Variants in SCML4 observed in about 807,000 individuals in gnomAD.
The protein encoded by SCML4 is sex comb on midleg-like protein 4.
SCML4 carries 34 observed loss-of-function variants against 41.1 expected under a neutral mutation model. The observed-to-expected ratio is 0.83, with a 90% CI of 0.63 to 1.10. SCML4 has a LOEUF of 1.10. SCML4 is among the 50% of genes least tolerant of loss of function. SCML4 has a pLI of 0.00. For synonymous variants in SCML4, 214 were observed against 220.9 expected (o/e 0.97, Z 0.28); for missense variants, 522 against 534.1 (o/e 0.98, Z 0.22).
At chr6:107,716,934 A>C (rs758082226) in intron 6 of SCML4, among the ~76,000 whole-genome samples, 1 of 151,942 alleles carries the variant, frequency 6.6e-6, no homozygotes, top group African/African-American at 2.4e-5. Context: ...CACTGCTGAG[A>C]ATGTGCATGG....
chr6:107,752,191 G>A lies in SCML4; in HGVS notation c.157-2378C>T, dbSNP rs1481731480. ...CATTGACACCAGGAGGGCTCTAGGTGGAGTAGTTTTTTTGTTGTTGTTGTT... is the reference window on the plus strand; with the variant it reads ...CATTGACACCAGGAGGGCTCTAGGTAGAGTAGTTTTTTTGTTGTTGTTGTT... On this transcript the variant is annotated intron_variant, in intron 2 of 7. Transcript: ENST00000369020. Among the ~76,000 whole-genome samples, 3 of 152,122 alleles carry A rather than the reference G, an allele frequency of 2.0e-5. No homozygotes were observed. The East Asian group carries it at 5.8e-4, about 29-fold the overall frequency.
chr6:107,767,099 T>G (rs943158275), intron 2 of SCML4, among the ~76,000 whole-genome samples: 2 of 151,942 alleles, frequency 1.3e-5, no homozygotes, highest in Admixed American at 6.6e-5. Context: ...CTGGGATTAC[T>G]GACACGCGCC....
intron 5 of SCML4, among the ~76,000 whole-genome samples, chr6:107,730,045 G>T (rs1398888372): frequency 6.6e-6 from 1 of 151,866 alleles, no homozygotes; most frequent in African/African-American, 2.4e-5. Flanking sequence ...CAACATGTTA[G>T]GTCACCTCAA....
chr6:107,756,521 G>A (rs1779126350), intron 2 of SCML4, among the ~76,000 whole-genome samples: 1 of 152,124 alleles, frequency 6.6e-6, no homozygotes, highest in East Asian at 1.9e-4. Flanking sequence ...AAGGAAACAT[G>A]ACAACTAAAT....
chr6:107,800,999 T>A (rs1179126684), intron 1 of SCML4, among the ~76,000 whole-genome samples: 1 of 152,214 alleles, frequency 6.6e-6, no homozygotes, highest in Non-Finnish European at 1.5e-5. Context: ...CTCTTCCAAG[T>A]TTCTGCGTTC....
At chr6:107,841,432 T>A in the SCML4 span, among the ~76,000 whole-genome samples, 2 of 152,240 alleles carry the variant, frequency 1.3e-5, no homozygotes, top group East Asian at 1.9e-4. Context: ...CCAGACACTG[T>A]GCCAGCACGG....
chr6:107,777,407 C>T (rs958797416), intron 1 of SCML4, among the ~76,000 whole-genome samples: 7 of 152,010 alleles, frequency 4.6e-5, no homozygotes, highest in African/African-American at 1.2e-4. Flanking sequence ...TGAGCTGCCA[C>T]GCCCAGCCAC....
chr6:107,702,333 GA>G lies in SCML4; in HGVS notation c.*2866del, dbSNP rs1405999701. 1.3e-5 allele frequency among the ~76,000 whole-genome samples: 2 copies of G among 152,308 alleles called. No individual in the cohort carries two copies. Among genetic ancestry groups the G allele is most frequent in the East Asian group, 3.9e-4 (2 of 5,184 alleles). The stretch of plus-strand genomic sequence containing the variant: ...CAGTTTTCTCCAAGACTTGAAATGA[GA>G]ACATATCTCTCGCCTGAAAACTACT... On this transcript the variant is annotated 3_prime_UTR_variant, in exon 8 of 8. Coordinates refer to ENST00000369020, the MANE Select transcript of SCML4 (RefSeq NM_198081.5).
At chr6:107,839,569 A>T in the SCML4 span, among the ~76,000 whole-genome samples, 1 of 152,154 alleles carries the variant, frequency 6.6e-6, no homozygotes, top group East Asian at 1.9e-4. Context: ...TTATAGAATG[A>T]TTTGCCTTTT....
At chr6:107,734,750 C>T (rs1776892533) in intron 5 of SCML4, among the ~76,000 whole-genome samples, 1 of 152,126 alleles carries the variant, frequency 6.6e-6, no homozygotes, top group South Asian at 2.1e-4. Context: ...GAGAACACTC[C>T]CTATTCCATG....
chr6:107,763,165 A>T (rs1275432833), intron 2 of SCML4, among the ~76,000 whole-genome samples: 1 of 151,962 alleles, frequency 6.6e-6, no homozygotes. Flanking sequence ...TACAAGCATG[A>T]GCCACAATGC....
chr6:107,723,020 C>G (rs776091804), intron 5 of SCML4, among the ~76,000 whole-genome samples: 4 of 151,698 alleles, frequency 2.6e-5, no homozygotes, highest in Non-Finnish European at 5.9e-5. Context: ...AAATTGCAAG[C>G]CTTTAGCTAC....
chr6:107,831,492 A>G, the SCML4 span, among the ~76,000 whole-genome samples: 1 of 151,978 alleles, frequency 6.6e-6, no homozygotes, highest in South Asian at 2.1e-4. Flanking sequence ...AGGACAGCCA[A>G]CTTCAGTGTG....
At chr6:107,766,382 A>G (rs1583530143) in intron 2 of SCML4, among the ~76,000 whole-genome samples, 1 of 152,030 alleles carries the variant, frequency 6.6e-6, no homozygotes, top group South Asian at 2.1e-4. Flanking sequence ...AAAAAAAAAA[A>G]AAAAGGGTTC....
chr6:107,826,086 A>T (rs182589613), upstream of SCML4, among the ~76,000 whole-genome samples: 1 of 151,592 alleles, frequency 6.6e-6, no homozygotes, highest in Admixed American at 6.6e-5. Flanking sequence ...TCTACTAAAA[A>T]TACAAAAATT....
chr6:107,731,541 G>A (rs1212047547), intron 5 of SCML4, among the ~76,000 whole-genome samples: 1 of 152,146 alleles, frequency 6.6e-6, no homozygotes, highest in East Asian at 1.9e-4. Context: ...TGCAGAGTGA[G>A]CCCTTTCCAC....
rs552407989 is a variant in SCML4 at position 107,761,601 on chromosome 6, G to A, written c.156+10571C>T. Among the ~76,000 whole-genome samples the A allele has an allele frequency of 4.6e-5, 7 of 151,868 alleles. No individual in the cohort carries two copies. The South Asian group carries it at 6.2e-4, about 14-fold the overall frequency. On this transcript the variant is annotated intron_variant, in intron 2 of 7. Transcript: ENST00000369020. ...ACAGGCAGGCGCTACCATGCCAAGC[G>A]AATTTTCATATTTTTAGTAGAAATG...
chr6:107,804,251 G>GTGTGTGTGTC (rs1783549122), intron 1 of SCML4, among the ~76,000 whole-genome samples: 1 of 152,000 alleles, frequency 6.6e-6, no homozygotes, highest in South Asian at 2.1e-4. Flanking sequence ...CATGAAACGT[G>GTGTGTGTGTC]TGTGTGTGTG....
intron 2 of SCML4, 90 bp from the exon 3 acceptor site, chr6:107,749,903 C>A: frequency 7.4e-7 from 1 of 1,350,090 alleles, no homozygotes; most frequent in Non-Finnish European, 1.0e-6. Flanking sequence ...TTAACCATTG[C>A]TCTTCTATCA....
Sources: allele counts gnomAD v4.1 joint callset (sites outside exome capture counted in the v4.1 genomes callset), GRCh38; gene constraint gnomAD v4.1.1; transcripts MANE v1.5; gene names NCBI Gene and HGNC (gene_info 2026-07-23, HGNC 2026-07-21).